Variants in FARS2 observed in about 807,000 individuals in gnomAD.
FARS2 encodes phenylalanine--tRNA ligase, mitochondrial.
FARS2 carries 40 observed loss-of-function variants against 46.4 expected under a neutral mutation model. That is an observed-to-expected ratio of 0.86 (90% CI 0.67 to 1.12). The LOEUF (loss-of-function observed/expected upper bound fraction) is 1.12, where lower values mean the gene tolerates loss of function less well. Ranked by LOEUF, FARS2 falls within the 50% of genes most tolerant of loss-of-function variation. FARS2 has a pLI of 0.00. For synonymous variants in FARS2, 234 were observed against 214.9 expected (o/e 1.09, Z -0.78); for missense variants, 513 against 567.9 (o/e 0.90, Z 0.98).
At chr6:5,413,657 T>C in intron 3 of FARS2, among the ~76,000 whole-genome samples, 1 of 152,214 alleles carries the variant, frequency 6.6e-6, no homozygotes, top group South Asian at 2.1e-4. Flanking sequence ...TTTAACTCCT[T>C]CACTCCTTTG....
At chr6:5,433,556 A>G (rs1467441756) in intron 4 of FARS2, among the ~76,000 whole-genome samples, 2 of 152,242 alleles carry the variant, frequency 1.3e-5, no homozygotes, top group Non-Finnish European at 2.9e-5. Context: ...AAAGAAAAGT[A>G]AGAGTAATAA....
intron 6 of FARS2, among the ~76,000 whole-genome samples, chr6:5,674,686 A>T (rs530741694): frequency 6.6e-6 from 1 of 152,116 alleles, no homozygotes; most frequent in East Asian, 1.9e-4. Context: ...GAGGGGGTGG[A>T]TGGAGGTGTG....
intron 4 of FARS2, among the ~76,000 whole-genome samples, chr6:5,446,717 T>A (rs1764206794): frequency 6.6e-6 from 1 of 152,224 alleles, no homozygotes; most frequent in East Asian, 1.9e-4. Context: ...AGGAGGTTTT[T>A]AAAGTACATT....
Position 5,728,238 on chromosome 6 carries a change from G to C in FARS2, c.1218-43053G>C, listed in dbSNP as rs371526536. 1.7e-4 allele frequency among the ~76,000 whole-genome samples: 26 copies of C among 152,054 alleles called. 1 individual carries two copies. In the East Asian group the frequency reaches 4.8e-3, roughly 28 times the overall value. The stretch of plus-strand genomic sequence containing the variant: ...GCCTGCAATTCCACCCAATAATTTG[G>C]GTTTGTTTCAAAATAGCCTAATAGC... On this transcript the variant is annotated intron_variant, in intron 6 of 6. Transcript: ENST00000274680.
chr6:5,362,021 G>A (rs1222009527), intron 1 of FARS2, among the ~76,000 whole-genome samples: 2 of 152,018 alleles, frequency 1.3e-5, no homozygotes, highest in Non-Finnish European at 2.9e-5. Flanking sequence ...CATTCTGAAT[G>A]TGTCCAAAAT....
intron 4 of FARS2, among the ~76,000 whole-genome samples, chr6:5,445,071 T>C (rs567829756): frequency 3.9e-5 from 6 of 152,290 alleles, no homozygotes; most frequent in Admixed American, 1.3e-4. Context: ...ATAAAACCCA[T>C]AGAGGATTGT....
intron 1 of FARS2, among the ~76,000 whole-genome samples, chr6:5,290,693 A>G (rs1056182941): frequency 6.6e-6 from 1 of 152,172 alleles, no homozygotes; most frequent in Admixed American, 6.5e-5. Context: ...GGCTTTAAAT[A>G]ATTCTAGAAT....
At chr6:5,748,422 C>A (rs1019283176) in intron 6 of FARS2, among the ~76,000 whole-genome samples, 2 of 152,190 alleles carry the variant, frequency 1.3e-5, no homozygotes, top group African/African-American at 4.8e-5. Context: ...GACTCTCAAG[C>A]CTCAAAGCTA....
chr6:5,713,798 C>T (rs1289404248), intron 6 of FARS2, among the ~76,000 whole-genome samples: 1 of 152,182 alleles, frequency 6.6e-6, no homozygotes, highest in Non-Finnish European at 1.5e-5. Flanking sequence ...CAGGATGATT[C>T]GGCCCAGGTG....
chr6:5,312,173 C>A (rs1410344764), intron 1 of FARS2, among the ~76,000 whole-genome samples: 1 of 152,124 alleles, frequency 6.6e-6, no homozygotes, highest in African/African-American at 2.4e-5. Flanking sequence ...AAGCTGCAGT[C>A]CTTTTGAATG....
rs1204885298 is a variant in FARS2, at chr6:5,271,720, G to A, written c.-22+10060G>A. 3.3e-5 allele frequency among the ~76,000 whole-genome samples: 5 copies of A among 151,542 alleles called. No individual in the cohort carries two copies. The East Asian group carries it at 7.8e-4, about 23-fold the overall frequency. On this transcript the variant is annotated intron_variant, in intron 1 of 6. Coordinates refer to ENST00000274680, the MANE Select transcript of FARS2 (RefSeq NM_006567.5). ...TGGGACTACAGTCGCCCGCCACCACGCCCGGCTAATTTTTATATTTTTAGT... is the reference window on the plus strand; with the variant it reads ...TGGGACTACAGTCGCCCGCCACCACACCCGGCTAATTTTTATATTTTTAGT...
At chr6:5,604,157 C>T (rs922024794) in intron 5 of FARS2, among the ~76,000 whole-genome samples, 2 of 152,160 alleles carry the variant, frequency 1.3e-5, no homozygotes, top group Non-Finnish European at 2.9e-5. Flanking sequence ...AGCTGCGGTT[C>T]AAGTCTTTGC....
intron 1 of FARS2, among the ~76,000 whole-genome samples, chr6:5,288,832 T>G (rs749105023): frequency 1.3e-5 from 2 of 152,236 alleles, no homozygotes; most frequent in African/African-American, 4.8e-5. Flanking sequence ...TTGCCATCAC[T>G]TCATTGATTC....
At chr6:5,721,140 A>G (rs1759877983) in intron 6 of FARS2, among the ~76,000 whole-genome samples, 1 of 152,236 alleles carries the variant, frequency 6.6e-6, no homozygotes, top group Non-Finnish European at 1.5e-5. Context: ...ACCATTGCAT[A>G]TTAACCTAAT....
chr6:5,341,677 C>T (rs1771668111), intron 1 of FARS2, among the ~76,000 whole-genome samples: 1 of 151,888 alleles, frequency 6.6e-6, no homozygotes, highest in South Asian at 2.1e-4. Context: ...CACCATCACA[C>T]CCGGCTAATT....
intron 1 of FARS2, among the ~76,000 whole-genome samples, chr6:5,354,511 G>T (rs949003397): frequency 6.7e-6 from 1 of 148,884 alleles, no homozygotes; most frequent in East Asian, 1.9e-4. Context: ...TATGCTAGTG[G>T]TTTCCTTTTT....
intron 1 of FARS2, among the ~76,000 whole-genome samples, chr6:5,280,912 A>G (rs1256380175): frequency 2.6e-5 from 4 of 152,108 alleles, no homozygotes; most frequent in Non-Finnish European, 4.4e-5. Context: ...GTGACATTTT[A>G]TGATTTACTA....
At chr6:5,322,619 G>A (rs575569268) in intron 1 of FARS2, among the ~76,000 whole-genome samples, 7 of 152,160 alleles carry the variant, frequency 4.6e-5, no homozygotes, top group Non-Finnish European at 1.0e-4. Context: ...AGTAAGGTGA[G>A]GGTCCTGGAG....
At chr6:5,317,891 G>A (rs1769651003) in intron 1 of FARS2, among the ~76,000 whole-genome samples, 2 of 152,102 alleles carry the variant, frequency 1.3e-5, no homozygotes, top group Non-Finnish European at 2.9e-5. Flanking sequence ...CAGGAAACGG[G>A]TCCCTGTGCT....
Sources: allele counts gnomAD v4.1 joint callset (sites outside exome capture counted in the v4.1 genomes callset), GRCh38; gene constraint gnomAD v4.1.1; transcripts MANE v1.5; gene names NCBI Gene and HGNC (gene_info 2026-07-23, HGNC 2026-07-21).